Variants in TDRD5 observed in about 807,000 individuals in gnomAD.
TDRD5 encodes tudor domain-containing protein 5.
In TDRD5, 41 loss-of-function variants were observed where a neutral mutation model predicts 120.6. The ratio of observed to expected loss-of-function variants is 0.34; its 90% CI spans 0.26 to 0.44. The LOEUF (loss-of-function observed/expected upper bound fraction) is 0.44, where lower values mean the gene tolerates loss of function less well. Among genes scored for constraint, TDRD5 ranks in the 20% least tolerant of loss-of-function variants. The pLI is 1.00. For synonymous variants in TDRD5, 430 were observed against 433.7 expected (o/e 0.99, Z 0.11); for missense variants, 1,006 against 1,221.2 (o/e 0.82, Z 2.63).
chr1:179,661,769 G>A, intron 14 of TDRD5, among the ~76,000 whole-genome samples: 1 of 152,038 alleles, frequency 6.6e-6, no homozygotes, highest in Non-Finnish European at 1.5e-5. Context: ...GAGTTTTTGA[G>A]GTATATATTG....
Position 179,630,940 on chromosome 1 carries a change from G to T in TDRD5, c.1126+20G>T. On this transcript the variant is annotated intron_variant, in intron 7 of 17. Coordinates refer to ENST00000444136, the MANE Select transcript of TDRD5 (RefSeq NM_001199085.3). ...CACCTGGTGAGTGGAACCACAGTAT[G>T]ATGCAAACCTCATTTTTATTGTCCT... 1.3e-6 allele frequency: 2 copies of T among 1,594,272 alleles called. No homozygotes were observed. Among genetic ancestry groups the T allele is most frequent in the East Asian group, 4.5e-5 (2 of 44,722 alleles).
intron 17 of TDRD5, among the ~76,000 whole-genome samples, chr1:179,676,170 C>T (rs1378509197): frequency 6.6e-6 from 1 of 152,136 alleles, no homozygotes; most frequent in African/African-American, 2.4e-5. Context: ...AGAATAGCTA[C>T]TCCTGCTAGC....
At chr1:179,667,809 C>A (rs573898778) in intron 16 of TDRD5, among the ~76,000 whole-genome samples, 1 of 152,186 alleles carries the variant, frequency 6.6e-6, no homozygotes, top group Admixed American at 6.5e-5. Flanking sequence ...TACACACAGG[C>A]ATTTATATAT....
At chr1:179,621,787 A>G (rs1314514487) in intron 6 of TDRD5, among the ~76,000 whole-genome samples, 1 of 152,190 alleles carries the variant, frequency 6.6e-6, no homozygotes, top group African/African-American at 2.4e-5. Context: ...ACTGTGTGCC[A>G]GGCTCTATCC....
chr1:179,654,375 A>C lies in TDRD5; in HGVS notation c.2322+13A>C. ...GGAAGAAAATGAGGTAGGAGAAGGA[A>C]AGATAGTCTTTGAATATGTAATTAA... On this transcript the variant is annotated intron_variant, in intron 14 of 17. Coordinates refer to ENST00000444136, the MANE Select transcript of TDRD5 (RefSeq NM_001199085.3). The C allele has an allele frequency of 6.6e-7, 1 of 1,520,026 alleles. No individual in the cohort carries two copies. Among genetic ancestry groups the C allele is most frequent in the Non-Finnish European group, 8.8e-7 (1 of 1,131,798 alleles). 94.2% of individuals were successfully genotyped at this position (1,520,026 alleles called of 1,614,324 possible). A position where few individuals can be genotyped will look rare whatever the true frequency, so the allele number is the denominator to read the frequency against.
Position 179,601,496 on chromosome 1 carries a change from T to C in TDRD5, c.831+5678T>C, listed in dbSNP as rs556298369. On this transcript the variant is annotated intron_variant, in intron 4 of 17. Coordinates refer to ENST00000444136, the MANE Select transcript of TDRD5 (RefSeq NM_001199085.3). ...GCGTCCTCATAGCTTAGTTCCCACA[T>C]ATCAGTGAAAACATGATGTTTAGTT... Among the ~76,000 whole-genome samples the C allele has an allele frequency of 1.0e-3, 157 of 152,336 alleles. 4 individuals carry two copies. In the South Asian group the frequency reaches 0.032, roughly 31 times the overall value.
At chr1:179,640,936 T>C (rs2102028329) in intron 11 of TDRD5, among the ~76,000 whole-genome samples, 1 of 152,276 alleles carries the variant, frequency 6.6e-6, no homozygotes, top group Non-Finnish European at 1.5e-5. Flanking sequence ...CTTTAGAGGC[T>C]GGGGAGCAAT....
chr1:179,639,715 A>G (rs1378715186), intron 9 of TDRD5, 124 bp from the exon 10 acceptor site: 1 of 980,482 alleles, frequency 1.0e-6, no homozygotes, highest in Non-Finnish European at 1.5e-6. Flanking sequence ...AGCATTAACA[A>G]TTTGACAAAG....
At chr1:179,600,996 T>C (rs1333562885) in intron 4 of TDRD5, among the ~76,000 whole-genome samples, 3 of 152,210 alleles carry the variant, frequency 2.0e-5, no homozygotes, top group Non-Finnish European at 4.4e-5. Flanking sequence ...TCCTTATATA[T>C]TTATTGAGAC....
chr1:179,659,573 G>GTT (rs1335816526), intron 14 of TDRD5, among the ~76,000 whole-genome samples: 2 of 141,090 alleles, frequency 1.4e-5, no homozygotes, highest in African/African-American at 5.1e-5. Context: ...GTGTGTGTGT[G>GTT]TGTGTGTGTG....
intron 4 of TDRD5, among the ~76,000 whole-genome samples, chr1:179,604,680 G>T (rs540287713): frequency 6.6e-6 from 1 of 152,126 alleles, no homozygotes; most frequent in Admixed American, 6.6e-5. Context: ...TATTTGCATG[G>T]TTTTTAAGGT....
chr1:179,629,079 T>A (rs1157315499), intron 6 of TDRD5, among the ~76,000 whole-genome samples: 1 of 152,148 alleles, frequency 6.6e-6, no homozygotes, highest in African/African-American at 2.4e-5. Flanking sequence ...GAAAATGTCA[T>A]TTCTGAATAA....
intron 16 of TDRD5, among the ~76,000 whole-genome samples, chr1:179,667,232 T>C (rs1037947736): frequency 6.6e-6 from 1 of 152,254 alleles, no homozygotes; most frequent in Non-Finnish European, 1.5e-5. Context: ...TTACTACACA[T>C]ACTTGCTTTC....
chr1:179,640,230 T>G (rs1415061883), intron 10 of TDRD5, 149 bp from the exon 11 acceptor site: 13 of 1,033,186 alleles, frequency 1.3e-5, no homozygotes, highest in Non-Finnish European at 1.7e-5. Flanking sequence ...GTAACTCTTG[T>G]GTTATCTTTT....
At chr1:179,593,366 T>A in intron 2 of TDRD5, 94 bp from the exon 3 acceptor site, 1 of 1,363,860 alleles carries the variant, frequency 7.3e-7, no homozygotes, top group Non-Finnish European at 9.8e-7. Flanking sequence ...AAACAGCTCC[T>A]TGGAGAGTTA....
intron 7 of TDRD5, among the ~76,000 whole-genome samples, chr1:179,631,792 T>C (rs1230805327): frequency 6.6e-6 from 1 of 151,802 alleles, no homozygotes; most frequent in East Asian, 1.9e-4. Flanking sequence ...TCCAAGAATG[T>C]CTTTTTTCTG....
At chr1:179,610,140 G>A (rs950280846) in intron 4 of TDRD5, among the ~76,000 whole-genome samples, 23 of 152,212 alleles carry the variant, frequency 1.5e-4, no homozygotes, top group Non-Finnish European at 1.5e-5. Context: ...GTTATTTATG[G>A]CAGGAGAGTG....
chr1:179,655,767 C>A (rs1184263407), intron 14 of TDRD5, among the ~76,000 whole-genome samples: 1 of 152,264 alleles, frequency 6.6e-6, no homozygotes, highest in East Asian at 1.9e-4. Context: ...TGAGATTCAT[C>A]CATGCTCTTG....
intron 17 of TDRD5, among the ~76,000 whole-genome samples, chr1:179,675,359 A>T (rs997209008): frequency 5.1e-5 from 7 of 136,664 alleles, no homozygotes; most frequent in African/African-American, 2.0e-4. Context: ...GGCTCACTGC[A>T]AGCTCCGCCT....
Sources: allele counts gnomAD v4.1 joint callset (sites outside exome capture counted in the v4.1 genomes callset), GRCh38; gene constraint gnomAD v4.1.1; transcripts MANE v1.5; gene names NCBI Gene and HGNC (gene_info 2026-07-23, HGNC 2026-07-21).